The following PEX5L variants were observed in gnomAD, a reference collection of about 807,000 sequenced individuals.
The protein encoded by PEX5L is PEX5-related protein.
PEX5L carries 30 observed loss-of-function variants against 84.0 expected under a neutral mutation model. The observed-to-expected ratio is 0.36, with a 90% CI of 0.27 to 0.48. The LOEUF (loss-of-function observed/expected upper bound fraction) is 0.48, where lower values mean the gene tolerates loss of function less well. PEX5L is among the 20% of genes least tolerant of loss of function. PEX5L has a pLI of 0.99. For missense variants in PEX5L, 533 were observed against 754.6 expected, an observed-to-expected ratio of 0.71 and a Z score of 3.44; for synonymous variants, 270 against 283.1, an observed-to-expected ratio of 0.95 and a Z score of 0.46.
intron 7 of PEX5L, 136 bp downstream of exon 7, chr3:179,874,191 C>T: frequency 2.0e-6 from 1 of 488,240 alleles, no homozygotes; most frequent in South Asian, 2.7e-5. Context: ...ATTGAGATAG[C>T]TACTGAATGA....
At chr3:179,819,823 A>G (rs1258636173) in intron 9 of PEX5L, 37 bp downstream of exon 9, 5 of 1,581,934 alleles carry the variant, frequency 3.2e-6, no homozygotes, top group Non-Finnish European at 8.7e-7. Context: ...AAAGGTGGAG[A>G]AAAGTAGTCA....
chr3:179,874,910 C>G lies in PEX5L; in HGVS notation c.629+444G>C, dbSNP rs564984034. 3.4e-4 allele frequency among the ~76,000 whole-genome samples: 52 copies of G among 151,296 alleles called. 1 individual carries two copies. In the South Asian group the frequency reaches 3.8e-3, roughly 11 times the overall value. ...TTTAGGAAGCTTCAAAAATATGGTA[C>G]AACTCAGGTGGCCAGATTTTCTCAT... On this transcript the variant is annotated intron_variant, in intron 6 of 14. Coordinates refer to ENST00000467460, the MANE Select transcript of PEX5L (RefSeq NM_016559.3).
intron 1 of PEX5L, among the ~76,000 whole-genome samples, chr3:179,987,318 C>T (rs1253778897): frequency 6.6e-6 from 1 of 150,702 alleles, no homozygotes; most frequent in Admixed American, 6.6e-5. Flanking sequence ...CCCTCCCTCT[C>T]TCCCTCTCCC....
At chr3:179,904,868 C>T (rs1762607788) in intron 2 of PEX5L, among the ~76,000 whole-genome samples, 1 of 151,970 alleles carries the variant, frequency 6.6e-6, no homozygotes, top group African/African-American at 2.4e-5. Context: ...CTGTGCTGTC[C>T]CTGGAGTGGC....
chr3:179,942,192 C>T (rs1279925873), intron 2 of PEX5L, among the ~76,000 whole-genome samples: 2 of 152,286 alleles, frequency 1.3e-5, no homozygotes, highest in African/African-American at 4.8e-5. Context: ...AACTGGCCTC[C>T]GGACTGAAAT....
At chr3:179,834,851 T>C (rs552755710) in intron 8 of PEX5L, among the ~76,000 whole-genome samples, 1 of 152,330 alleles carries the variant, frequency 6.6e-6, no homozygotes, top group African/African-American at 2.4e-5. Context: ...TTTATAAATA[T>C]GACCTTGCTT....
intron 2 of PEX5L, among the ~76,000 whole-genome samples, chr3:179,959,438 A>C (rs1781473784): frequency 6.6e-6 from 1 of 152,220 alleles, no homozygotes; most frequent in African/African-American, 2.4e-5. Context: ...GGCTTCTTAA[A>C]GGCCGTGACT....
intron 2 of PEX5L, among the ~76,000 whole-genome samples, chr3:179,945,335 A>C (rs59159498): frequency 6.6e-6 from 1 of 152,096 alleles, no homozygotes; most frequent in Admixed American, 6.5e-5. Flanking sequence ...CCCTACTGAG[A>C]GAGGATATTT....
chr3:179,895,417 T>C (rs1758937068), intron 3 of PEX5L, among the ~76,000 whole-genome samples: 1 of 152,130 alleles, frequency 6.6e-6, no homozygotes, highest in Non-Finnish European at 1.5e-5. Context: ...ACATATTTTC[T>C]TCAAACCTTT....
At chr3:179,818,209 C>T (rs1169942653) in intron 9 of PEX5L, among the ~76,000 whole-genome samples, 1 of 151,958 alleles carries the variant, frequency 6.6e-6, no homozygotes. Context: ...CTGAGACTTC[C>T]TCCGCCACAA....
At chr3:179,934,772 C>G (rs1309091922) in intron 2 of PEX5L, among the ~76,000 whole-genome samples, 1 of 152,158 alleles carries the variant, frequency 6.6e-6, no homozygotes, top group African/African-American at 2.4e-5. Flanking sequence ...AATACTAATA[C>G]TCTAATTGTT....
At chr3:179,960,797 C>G (rs974794787) in intron 2 of PEX5L, among the ~76,000 whole-genome samples, 1 of 152,098 alleles carries the variant, frequency 6.6e-6, no homozygotes, top group African/African-American at 2.4e-5. Context: ...TGCAACATAG[C>G]TCATTTTTTT....
At chr3:179,865,372 C>T (rs752593646) in intron 7 of PEX5L, among the ~76,000 whole-genome samples, 2 of 152,066 alleles carry the variant, frequency 1.3e-5, no homozygotes, top group African/African-American at 2.4e-5. Flanking sequence ...AGGCAGTTTT[C>T]GAATAGCGAT....
At chr3:179,944,037 T>C (rs1178943054) in intron 2 of PEX5L, among the ~76,000 whole-genome samples, 2 of 150,198 alleles carry the variant, frequency 1.3e-5, no homozygotes. Flanking sequence ...TATAAACTTA[T>C]ATTCCACTCA....
At chr3:180,026,432 G>A (rs1330064435) in intron 1 of PEX5L, among the ~76,000 whole-genome samples, 3 of 152,132 alleles carry the variant, frequency 2.0e-5, no homozygotes, top group Non-Finnish European at 2.9e-5. Context: ...GCATGAATAT[G>A]AAACATGAAT....
At chr3:179,814,468 G>A (rs1725257973) in intron 10 of PEX5L, among the ~76,000 whole-genome samples, 2 of 152,156 alleles carry the variant, frequency 1.3e-5, no homozygotes. Flanking sequence ...CTGAACCTAT[G>A]CAGTTGGGAT....
At chr3:180,026,707 A>G (rs956587015) in intron 1 of PEX5L, among the ~76,000 whole-genome samples, 1 of 152,226 alleles carries the variant, frequency 6.6e-6, no homozygotes, top group African/African-American at 2.4e-5. Context: ...AATGGCAGGT[A>G]GTACTAAATA....
At chr3:179,972,870 A>G (rs1785111777) in intron 1 of PEX5L, among the ~76,000 whole-genome samples, 1 of 152,112 alleles carries the variant, frequency 6.6e-6, no homozygotes. Context: ...ATTAGGATGC[A>G]TAAATAAAAC....
intron 1 of PEX5L, among the ~76,000 whole-genome samples, chr3:180,019,063 T>C (rs935275804): frequency 6.6e-6 from 1 of 152,156 alleles, no homozygotes; most frequent in East Asian, 1.9e-4. Flanking sequence ...TCTATTTTAA[T>C]TGTGTGCATA....
Sources: allele counts gnomAD v4.1 joint callset (sites outside exome capture counted in the v4.1 genomes callset), GRCh38; gene constraint gnomAD v4.1.1; transcripts MANE v1.5; gene names NCBI Gene and HGNC (gene_info 2026-07-23, HGNC 2026-07-21).